Variants in NPAS3 observed in about 807,000 individuals in gnomAD.
NPAS3 encodes neuronal PAS domain-containing protein 3.
In NPAS3, 14 loss-of-function variants were observed where a neutral mutation model predicts 73.1. The ratio of observed to expected loss-of-function variants is 0.19; its 90% confidence interval spans 0.13 to 0.30. The LOEUF is 0.30. Among genes scored for constraint, NPAS3 ranks in the 10% least tolerant of loss-of-function variants. The pLI, the probability that NPAS3 is intolerant of heterozygous loss-of-function variation, is 1.00. For synonymous variants in NPAS3, 620 were observed against 541.5 expected, an observed-to-expected ratio of 1.14 and a Z score of -2.01; for missense variants, 1,096 against 1,250.0, an observed-to-expected ratio of 0.88 and a Z score of 1.86.
chr14:33,788,817 G>A (rs1471310588), intron 9 of NPAS3, among the ~76,000 whole-genome samples: 1 of 152,108 alleles, frequency 6.6e-6, no homozygotes, highest in Non-Finnish European at 1.5e-5. Flanking sequence ...ACTGTGTGCA[G>A]GGCCACGGAT....
chr14:33,095,740 C>T (rs1331383631), intron 2 of NPAS3, among the ~76,000 whole-genome samples: 8 of 144,574 alleles, frequency 5.5e-5, no homozygotes, highest in Admixed American at 2.1e-4. Context: ...GCGATCTGGA[C>T]TCACTGCAAG....
intron 2 of NPAS3, among the ~76,000 whole-genome samples, chr14:33,066,328 A>G (rs1396964958): frequency 6.6e-6 from 1 of 152,202 alleles, no homozygotes; most frequent in Non-Finnish European, 1.5e-5. Flanking sequence ...AACTCTTGTA[A>G]AATTCATGGT....
chr14:33,229,767 A>C (rs1002052022), intron 3 of NPAS3, among the ~76,000 whole-genome samples: 7 of 152,146 alleles, frequency 4.6e-5, no homozygotes. Flanking sequence ...TAAACAAAAA[A>C]ATCTTTTGTC....
intron 2 of NPAS3, among the ~76,000 whole-genome samples, chr14:33,177,578 C>T (rs908563389): frequency 3.9e-5 from 6 of 151,998 alleles, no homozygotes; most frequent in African/African-American, 1.4e-4. Context: ...TTGTCATATC[C>T]AAGAATCCAC....
At chr14:32,988,980 G>C (rs1233594012) in intron 1 of NPAS3, among the ~76,000 whole-genome samples, 1 of 152,198 alleles carries the variant, frequency 6.6e-6, no homozygotes, top group Non-Finnish European at 1.5e-5. Flanking sequence ...AGATGAGCTA[G>C]ACATGGTATC....
chr14:33,571,455 A>C (rs1370793954), intron 5 of NPAS3, among the ~76,000 whole-genome samples: 1 of 152,166 alleles, frequency 6.6e-6, no homozygotes, highest in Non-Finnish European at 1.5e-5. Flanking sequence ...ACCCTGAACT[A>C]GTCAGAGTAG....
intron 5 of NPAS3, among the ~76,000 whole-genome samples, chr14:33,565,011 T>C (rs1056226115): frequency 2.0e-5 from 3 of 152,130 alleles, no homozygotes; most frequent in Admixed American, 2.0e-4. Context: ...CTCACCCTTA[T>C]ATAAGGTATT....
At chr14:33,028,481 A>G (rs527876198) in intron 1 of NPAS3, among the ~76,000 whole-genome samples, 94 of 152,256 alleles carry the variant, frequency 6.2e-4, no homozygotes, top group Non-Finnish European at 7.6e-4. Context: ...ACTTTGTGCT[A>G]TAGACATTAT....
chr14:33,046,999 G>A (rs2138457311), intron 1 of NPAS3, among the ~76,000 whole-genome samples: 1 of 152,028 alleles, frequency 6.6e-6, no homozygotes, highest in African/African-American at 2.4e-5. Flanking sequence ...AACCAGTTAG[G>A]GAGGCAAGGT....
chr14:33,502,750 A>G (rs1341501982), intron 4 of NPAS3, among the ~76,000 whole-genome samples: 1 of 151,900 alleles, frequency 6.6e-6, no homozygotes, highest in African/African-American at 2.4e-5. Flanking sequence ...ACCTTCTCCT[A>G]GTTTCCTTCT....
At chr14:33,370,259 AG>A (rs1300489775) in intron 4 of NPAS3, among the ~76,000 whole-genome samples, 1 of 152,198 alleles carries the variant, frequency 6.6e-6, no homozygotes, top group African/African-American at 2.4e-5. Context: ...GGGCCACAAA[AG>A]AACAAGGCTC....
rs550698008 is a variant in NPAS3 at position 33,684,766 on chromosome 14, C to T, written c.733+8381C>T. Among the ~76,000 whole-genome samples, 86 of 152,354 alleles carry T rather than the reference C, an allele frequency of 5.6e-4. 1 individual carries two copies. The highest frequency in any genetic ancestry group is 1.9e-3 in the African/African-American group (80 of 41,586). On this transcript the variant is annotated intron_variant, in intron 6 of 11. Coordinates refer to ENST00000356141, the Ensembl canonical transcript of NPAS3. Reference sequence around the variant, plus strand: ...ATCACCCGTGTACACTTGGACTCTGCTCTGTGTCGGCCAACACTGGGCCAG... The same window carrying T: ...ATCACCCGTGTACACTTGGACTCTGTTCTGTGTCGGCCAACACTGGGCCAG...
intron 6 of NPAS3, among the ~76,000 whole-genome samples, chr14:33,715,742 T>C (rs531683953): frequency 6.6e-6 from 1 of 152,146 alleles, no homozygotes; most frequent in Non-Finnish European, 1.5e-5. Flanking sequence ...CCCACCCAAA[T>C]CTCATCTTAA....
intron 3 of NPAS3, among the ~76,000 whole-genome samples, chr14:33,235,207 A>G (rs1468055214): frequency 2.6e-5 from 4 of 152,090 alleles, no homozygotes; most frequent in Non-Finnish European, 4.4e-5. Context: ...AAGCTTTATT[A>G]ATTTCTGTGT....
intron 3 of NPAS3, among the ~76,000 whole-genome samples, chr14:33,312,684 T>A (rs747248658): frequency 7.2e-5 from 11 of 152,070 alleles, no homozygotes; most frequent in African/African-American, 2.7e-4. Flanking sequence ...CTTGTGGTTA[T>A]TGATTTTTCC....
intron 8 of NPAS3, 60 bp from the exon 9 acceptor site, chr14:33,778,406 T>A: frequency 8.3e-7 from 1 of 1,205,588 alleles, no homozygotes; most frequent in South Asian, 1.2e-5. Context: ...TCTAAGTTAT[T>A]TGACAGTTTC....
At chr14:33,794,522 G>A (rs146739755) in intron 10 of NPAS3, among the ~76,000 whole-genome samples, 3 of 151,938 alleles carry the variant, frequency 2.0e-5, no homozygotes, top group African/African-American at 7.2e-5. Context: ...TATTACATAG[G>A]GTTTGACTTC....
chr14:32,991,400 C>A (rs1232104270), intron 1 of NPAS3, among the ~76,000 whole-genome samples: 1 of 152,126 alleles, frequency 6.6e-6, no homozygotes, highest in African/African-American at 2.4e-5. Context: ...GCATTGATGT[C>A]TTTAGCTTTC....
At chr14:33,519,803 C>T (rs780847609) in intron 4 of NPAS3, among the ~76,000 whole-genome samples, 14 of 152,164 alleles carry the variant, frequency 9.2e-5, no homozygotes, top group Non-Finnish European at 1.8e-4. Flanking sequence ...CAAACACCCA[C>T]ATTTGTGTTT....
Sources: gnomAD v4.1 joint callset for allele counts (sites outside exome capture counted in the v4.1 genomes callset) on GRCh38, gnomAD v4.1.1 for gene constraint, MANE v1.5 for transcripts, NCBI Gene and HGNC (gene_info 2026-07-23, HGNC 2026-07-21) for gene names.